INSL6: variants seen among roughly 807,000 people sequenced by gnomAD.
INSL6 encodes the protein insulin like 6, also known as insulin-like peptide INSL6.
In INSL6, 16 loss-of-function variants were observed where a neutral mutation model predicts 9.4. The ratio of observed to expected loss-of-function variants is 1.70; its 90% CI spans 1.15 to 2.59. INSL6 has a LOEUF of 2.59. INSL6 is among the 30% of genes most tolerant of loss of function. INSL6 has a pLI of 0.00. For missense variants in INSL6, 391 were observed against 257.3 expected, an observed-to-expected ratio of 1.52 and a Z score of -3.56; for synonymous variants, 154 against 96.9, an observed-to-expected ratio of 1.59 and a Z score of -3.46.
chr9:5,076,345 C>A, the INSL6 span, among the ~76,000 whole-genome samples: 1 of 152,084 alleles, frequency 6.6e-6, no homozygotes, highest in Non-Finnish European at 1.5e-5. Context: ...GAAGAGTCTG[C>A]AGTGAATTTC....
At chr9:5,085,922 C>G in the INSL6 span, 2 of 1,059,074 alleles carry the variant, frequency 1.9e-6, no homozygotes, top group Non-Finnish European at 3.0e-6. Context: ...ACAGACCTTT[C>G]AAGTCTCTCC....
chr9:5,141,908 A>T (rs1039223053), intron 2 of INSL6, among the ~76,000 whole-genome samples: 4 of 152,194 alleles, frequency 2.6e-5, no homozygotes, highest in Admixed American at 6.5e-5. Flanking sequence ...TGGTGTAAGG[A>T]AGGGGTCCAG....
the INSL6 span, among the ~76,000 whole-genome samples, chr9:5,011,644 T>A: frequency 3.9e-5 from 6 of 152,304 alleles, no homozygotes; most frequent in South Asian, 1.2e-3. Flanking sequence ...CCATTTCTAT[T>A]ATATATATTC....
chr9:5,026,872 T>C, the INSL6 span, among the ~76,000 whole-genome samples: 3 of 152,230 alleles, frequency 2.0e-5, no homozygotes, highest in African/African-American at 4.8e-5. Flanking sequence ...AAATTACATA[T>C]GCACTCACAT....
At chr9:5,098,926 CGTT>C in the INSL6 span, 1 of 152,288 alleles carries the variant, frequency 6.6e-6, no homozygotes, top group South Asian at 2.1e-4. Context: ...CATCTCCTGA[CGTT>C]GTGTTCCACC....
At chr9:5,115,765 C>G in the INSL6 span, among the ~76,000 whole-genome samples, 1 of 152,056 alleles carries the variant, frequency 6.6e-6, no homozygotes, top group Non-Finnish European at 1.5e-5. Context: ...TTTGCAGGGA[C>G]AAAGATGAAG....
the INSL6 span, among the ~76,000 whole-genome samples, chr9:5,023,365 C>T: frequency 6.6e-6 from 1 of 152,188 alleles, no homozygotes; most frequent in Admixed American, 6.5e-5. Context: ...CCACTGGGCC[C>T]CAGGGGAGTA....
At chr9:5,049,336 TAA>T in the INSL6 span, among the ~76,000 whole-genome samples, 1 of 152,336 alleles carries the variant, frequency 6.6e-6, no homozygotes, top group Middle Eastern at 3.4e-3. Flanking sequence ...TTCTAAGTTT[TAA>T]TCCACATTAT....
At chr9:5,058,975 T>C in the INSL6 span, among the ~76,000 whole-genome samples, 1 of 152,214 alleles carries the variant, frequency 6.6e-6, no homozygotes, top group Admixed American at 6.5e-5. Context: ...TCCCATTCCA[T>C]AGATTGCTTT....
chr9:5,096,679 G>GTTGA, the INSL6 span: 5 of 151,990 alleles, frequency 3.3e-5, no homozygotes, highest in Non-Finnish European at 5.9e-5. Flanking sequence ...TTCATCAATT[G>GTTGA]TTGATTGTTT....
At chr9:5,097,821 C>G in the INSL6 span, 1 of 152,196 alleles carries the variant, frequency 6.6e-6, no homozygotes, top group Non-Finnish European at 1.5e-5. Context: ...GAGCGGTGTT[C>G]GCCATCATAG....
At chr9:5,085,161 T>G in the INSL6 span, 2 of 650,294 alleles carry the variant, frequency 3.1e-6, no homozygotes, top group Non-Finnish European at 3.0e-6. Flanking sequence ...GAGCTCTGTC[T>G]ACATCTCCCG....
chr9:5,149,840 C>G (rs1353524433), intron 2 of INSL6, among the ~76,000 whole-genome samples: 1 of 152,088 alleles, frequency 6.6e-6, no homozygotes, highest in Admixed American at 6.5e-5. Context: ...TATGTGACTT[C>G]AAATTATATT....
At chr9:5,131,403 A>C (rs922240994) in intron 3 of INSL6, among the ~76,000 whole-genome samples, 5 of 150,960 alleles carry the variant, frequency 3.3e-5, no homozygotes, top group Admixed American at 3.3e-4. Flanking sequence ...TTAAGAACAA[A>C]TAGCTGAATT....
the INSL6 span, among the ~76,000 whole-genome samples, chr9:5,020,804 T>C: frequency 6.6e-6 from 1 of 151,798 alleles, no homozygotes; most frequent in African/African-American, 2.4e-5. Context: ...GCAATGGAGG[T>C]GACTGTCGGT....
chr9:5,055,362 T>C, the INSL6 span, among the ~76,000 whole-genome samples: 19 of 152,144 alleles, frequency 1.2e-4, no homozygotes, highest in East Asian at 1.9e-4. Context: ...TTTTTAATTT[T>C]TCATCTTTGG....
At chr9:5,057,580 C>CTTT in the INSL6 span, among the ~76,000 whole-genome samples, 20 of 116,762 alleles carry the variant, frequency 1.7e-4, no homozygotes, top group Non-Finnish European at 2.6e-4. Context: ...ATTCTACTTT[C>CTTT]TTTTTTTTTT....
chr9:5,023,883 T>C, the INSL6 span, among the ~76,000 whole-genome samples: 1 of 149,770 alleles, frequency 6.7e-6, no homozygotes, highest in Non-Finnish European at 1.5e-5. Flanking sequence ...AGTAAGATTT[T>C]AGCTTGTAAG....
chr9:4,992,556 C>T, the INSL6 span, among the ~76,000 whole-genome samples: 1 of 152,174 alleles, frequency 6.6e-6, no homozygotes, highest in Admixed American at 6.5e-5. Context: ...CTGAAATACA[C>T]GCAAAATACA....
Sources: allele counts gnomAD v4.1 joint callset (sites outside exome capture counted in the v4.1 genomes callset), GRCh38; gene constraint gnomAD v4.1.1; transcripts MANE v1.5; gene names NCBI Gene and HGNC (gene_info 2026-07-23, HGNC 2026-07-21).